Variants in GLRX2 observed in about 807,000 individuals in gnomAD.
GLRX2 encodes glutaredoxin 2.
In GLRX2, 12 loss-of-function variants were observed where a neutral mutation model predicts 16.4. The ratio of observed to expected loss-of-function variants is 0.73; its 90% CI spans 0.47 to 1.19. The LOEUF (loss-of-function observed/expected upper bound fraction) is 1.19, where lower values mean the gene tolerates loss of function less well. Among genes scored for constraint, GLRX2 ranks in the 50% most tolerant of loss-of-function variants. The pLI, the probability that GLRX2 is intolerant of heterozygous loss-of-function variation, is 0.00. For synonymous variants in GLRX2, 95 were observed against 76.2 expected (o/e 1.25, Z -1.28); for missense variants, 201 against 201.8 (o/e 1.00, Z 0.02).
intron 2 of GLRX2, among the ~76,000 whole-genome samples, chr1:193,098,599 C>A (rs1280904485): frequency 6.6e-6 from 1 of 152,084 alleles, no homozygotes; most frequent in Non-Finnish European, 1.5e-5. Context: ...CACTGTGTCC[C>A]CCAGGCTGGA....
chr1:193,105,881 C>G, upstream of GLRX2: 1 of 1,169,612 alleles, frequency 8.5e-7, no homozygotes, highest in South Asian at 3.8e-5. Flanking sequence ...TGGTCGAGAC[C>G]CAATGTAAAT....
chr1:193,105,864 A>G, upstream of GLRX2: 1 of 1,216,364 alleles, frequency 8.2e-7, no homozygotes, highest in Non-Finnish European at 1.0e-6. Context: ...TCTTATAATT[A>G]GGCAATTGGT....
At chr1:193,105,451 G>C, upstream of GLRX2, 4 of 1,447,420 alleles carry the variant, frequency 2.8e-6, no homozygotes, top group Non-Finnish European at 2.7e-6. Context: ...CGCCTCCTCC[G>C]GCCCGGCCCC....
rs1675066700 is a variant in GLRX2 at position 193,101,150 on chromosome 1, G to C, written c.174C>G (p.Asn58Lys). 2 of 1,609,272 alleles carry C rather than the reference G, an allele frequency of 1.2e-6. No homozygotes were observed. The highest frequency in any genetic ancestry group is 1.7e-6 in the Non-Finnish European group (2 of 1,175,774). Reference sequence around the variant, plus strand: ...CTCCCACATCACTCACTTGGATCTGGTTCACAGGCGCCGTCGCTAAATTCT... The same window carrying C: ...CTCCCACATCACTCACTTGGATCTGCTTCACAGGCGCCGTCGCTAAATTCT... Reference protein sequence around the residue: ...SLENLATAPVNQIQETISDNC... With the variant: ...SLENLATAPVKQIQETISDNC... Residue 58 changes from asparagine to lysine, a missense_variant, in exon 2 of 4, where the codon AAC becomes AAG. Physicochemically the swap from Asn to Lys is moderately conservative, Grantham distance 94. Transcript: ENST00000367439.
At chr1:193,104,696 G>A (rs1413950520) in intron 1 of GLRX2, among the ~76,000 whole-genome samples, 1 of 152,238 alleles carries the variant, frequency 6.6e-6, no homozygotes, top group East Asian at 1.9e-4. Flanking sequence ...TTCCAAACGA[G>A]GAAGTGTAAG....
In GLRX2 at chr1:193,105,274, C is replaced by T. The variant is rs1572131062; in HGVS notation, c.109G>A (p.Ala37Thr). The stretch of plus-strand genomic sequence containing the variant: ...CCGCTGACCCCGTACCCAGAGGCCG[C>T]AGCTGCCGCAGCTCCCGCAGCTCCC... ...AAGAAGAAAA[A>T]ASGMESNTSS... The change falls in exon 1 of 4, where the codon GCG becomes ACG. Residue 37 changes from alanine (A) to threonine (T), a missense_variant. By Grantham distance (58) the Ala-to-Thr change is moderately conservative. Coordinates refer to ENST00000367439, the MANE Select transcript of GLRX2 (RefSeq NM_197962.3). The T allele has an allele frequency of 1.3e-6, 2 of 1,529,530 alleles. No individual in the cohort carries two copies. The highest frequency in any genetic ancestry group is 1.4e-5 in the African/African-American group (1 of 70,308). 94.7% of individuals were successfully genotyped at this position (1,529,530 alleles called of 1,614,324 possible).
upstream of GLRX2, chr1:193,105,703 AGCAGT>A: frequency 6.5e-7 from 1 of 1,530,738 alleles, no homozygotes; most frequent in Non-Finnish European, 8.8e-7. Context: ...GGCACTTGGA[AGCAGT>A]GCATGAGGAT....
Position 193,097,963 on chromosome 1 carries a change from C to T in GLRX2, c.184-203G>A, listed in dbSNP as rs564374017. On this transcript the variant is annotated intron_variant, in intron 2 of 3. Coordinates refer to ENST00000367439, the MANE Select transcript of GLRX2 (RefSeq NM_197962.3). ...TAGAAAAAAGATATAACAAAAAGTG[C>T]CTGGCATAGAGCAATAACAATAAAT... 3.3e-5 allele frequency among the ~76,000 whole-genome samples: 5 copies of T among 152,230 alleles called. No homozygotes were observed. In the South Asian group the frequency reaches 1.0e-3, roughly 32 times the overall value.
chr1:193,100,785 T>C (rs1675059340), intron 2 of GLRX2, among the ~76,000 whole-genome samples: 2 of 152,212 alleles, frequency 1.3e-5, no homozygotes, highest in Admixed American at 1.3e-4. Flanking sequence ...AAGAAAACTG[T>C]TAAACTGCTT....
At position 193,105,388 on chromosome 1, in the gene GLRX2, G is replaced by C. The variant is rs750263137; in HGVS notation, c.-6C>G. 6.5e-7 allele frequency: 1 copy of C among 1,538,982 alleles called. No individual in the cohort carries two copies. Among genetic ancestry groups the C allele is most frequent in the Non-Finnish European group, 8.7e-7 (1 of 1,153,204 alleles). ...GCCGCGCGGCGCCAAATCATGGTCA[G>C]AGCCCGGATCTGCAGCGAGCTCTAC... On this transcript the variant is annotated 5_prime_UTR_variant, in exon 1 of 4. Transcript: ENST00000367439.
chr1:193,099,693 A>C (rs1241278850), intron 2 of GLRX2, among the ~76,000 whole-genome samples: 4 of 152,206 alleles, frequency 2.6e-5, no homozygotes, highest in African/African-American at 9.7e-5. Flanking sequence ...GCCAAAAACC[A>C]GAAAGTATAA....
At chr1:193,099,901 G>C (rs1011531397) in intron 2 of GLRX2, among the ~76,000 whole-genome samples, 1 of 152,144 alleles carries the variant, frequency 6.6e-6, no homozygotes, top group African/African-American at 2.4e-5. Context: ...CAAAACTAAG[G>C]CTGAGTGGTT....
chr1:193,106,110 G>T, upstream of GLRX2: 1 of 821,602 alleles, frequency 1.2e-6, no homozygotes, highest in Non-Finnish European at 1.5e-6. Context: ...GGTAATAATA[G>T]CCTTTGTGCG....
upstream of GLRX2, chr1:193,105,574 G>C (rs966255415): frequency 6.2e-7 from 1 of 1,606,540 alleles, no homozygotes; most frequent in East Asian, 2.3e-5. Flanking sequence ...TCCAGCGAGT[G>C]CCACCCACGT....
upstream of GLRX2, chr1:193,105,616 A>T (rs527610252): frequency 3.9e-5 from 63 of 1,604,230 alleles, no homozygotes; most frequent in East Asian, 1.3e-3. Context: ...GAAGCGGCTC[A>T]CTTGCTTATC....
upstream of GLRX2, chr1:193,105,691 C>A: frequency 1.3e-6 from 2 of 1,547,116 alleles, no homozygotes; most frequent in East Asian, 2.5e-5. Context: ...TAAAGGCTCC[C>A]AGGCACTTGG....
At chr1:193,104,144 G>T (rs1220991433) in intron 1 of GLRX2, among the ~76,000 whole-genome samples, 1 of 152,240 alleles carries the variant, frequency 6.6e-6, no homozygotes, top group Non-Finnish European at 1.5e-5. Flanking sequence ...TTCTTGGGTA[G>T]TGAGAGGAGG....
chr1:193,105,613 C>T, upstream of GLRX2: 1 of 1,605,382 alleles, frequency 6.2e-7, no homozygotes, highest in Non-Finnish European at 8.5e-7. Flanking sequence ...GGAGAAGCGG[C>T]TCACTTGCTT....
At chr1:193,098,777 C>T (rs572524829) in intron 2 of GLRX2, among the ~76,000 whole-genome samples, 2 of 152,224 alleles carry the variant, frequency 1.3e-5, no homozygotes, top group East Asian at 3.9e-4. Context: ...TCTCAAACTC[C>T]TGACCTCAGG....
Sources: gnomAD v4.1 joint callset for allele counts (sites outside exome capture counted in the v4.1 genomes callset) on GRCh38, gnomAD v4.1.1 for gene constraint, MANE v1.5 for transcripts, NCBI Gene and HGNC (gene_info 2026-07-23, HGNC 2026-07-21) for gene names.